The following GCSAML variants were observed in gnomAD, a reference collection of about 807,000 sequenced individuals.
GCSAML encodes germinal center-associated signaling and motility-like protein.
GCSAML carries 9 observed loss-of-function variants against 13.0 expected under a neutral mutation model. The observed-to-expected ratio is 0.69, with a 90% CI of 0.42 to 1.21. GCSAML has a LOEUF of 1.21. Among genes scored for constraint, GCSAML ranks in the 50% most tolerant of loss-of-function variants. The pLI, the probability that GCSAML is intolerant of heterozygous loss-of-function variation, is 0.00. For synonymous variants in GCSAML, 37 were observed against 52.9 expected (o/e 0.70, Z 1.31); for missense variants, 143 against 153.4 (o/e 0.93, Z 0.36).
At chr1:247,568,429 T>A (rs1230779493) in intron 4 of GCSAML, among the ~76,000 whole-genome samples, 4 of 151,326 alleles carry the variant, frequency 2.6e-5, no homozygotes, top group African/African-American at 9.8e-5. Flanking sequence ...TATTAAATAG[T>A]GAATCATTTC....
chr1:247,548,988 A>T, upstream of GCSAML: 1 of 1,414,024 alleles, frequency 7.1e-7, no homozygotes, highest in Non-Finnish European at 9.6e-7. The surrounding 1 kb of genome is among the most constrained non-coding windows in gnomAD (Gnocchi z 5.3). Context: ...ACGCACACTC[A>T]CATTTTCCTT....
At chr1:247,521,113 AT>A (rs68098651) in intron 1 of GCSAML, among the ~76,000 whole-genome samples, 6,078 of 136,792 alleles carry the variant, frequency 0.044, 306 homozygotes, top group African/African-American at 0.15. Context: ...ACATTCTTGC[AT>A]TTTTTTTTTT....
intron 1 of GCSAML, among the ~76,000 whole-genome samples, chr1:247,514,226 A>T (rs898636047): frequency 1.3e-5 from 2 of 151,942 alleles, no homozygotes; most frequent in African/African-American, 4.8e-5. Flanking sequence ...TGATCTGCCC[A>T]CCTTGGCCTC....
At chr1:247,566,135 G>A (rs1448760746) in intron 4 of GCSAML, among the ~76,000 whole-genome samples, 176 bp downstream of exon 4, 2 of 152,080 alleles carry the variant, frequency 1.3e-5, no homozygotes, top group East Asian at 3.8e-4. Context: ...TATGGCAATT[G>A]TAATGCAGAA....
intron 2 of GCSAML, among the ~76,000 whole-genome samples, chr1:247,543,948 C>A (rs1411334625): frequency 6.6e-6 from 1 of 152,068 alleles, no homozygotes; most frequent in Non-Finnish European, 1.5e-5. Context: ...TGTGCGTCAC[C>A]CTGGTTTAAC....
chr1:247,518,888 C>T (rs973517612), intron 1 of GCSAML, among the ~76,000 whole-genome samples: 14 of 152,070 alleles, frequency 9.2e-5, no homozygotes. Context: ...ACTTGGGAGG[C>T]TGAAGCGGGA....
intron 1 of GCSAML, among the ~76,000 whole-genome samples, chr1:247,554,320 A>T (rs1667885484): frequency 6.6e-6 from 1 of 152,016 alleles, no homozygotes; most frequent in Admixed American, 6.6e-5. Context: ...TTATGTCTGT[A>T]ATACTTATTT....
chr1:247,517,752 A>C (rs1325999568), intron 1 of GCSAML, among the ~76,000 whole-genome samples: 1 of 152,170 alleles, frequency 6.6e-6, no homozygotes, highest in African/African-American at 2.4e-5. Flanking sequence ...CTCGCTAAAA[A>C]CTGTGGGTGG....
rs527948050 is a variant in GCSAML at position 247,553,863 on chromosome 1, G to A, written c.30-2544G>A. On this transcript the variant is annotated intron_variant, in intron 1 of 4. Transcript: ENST00000366488. The stretch of plus-strand genomic sequence containing the variant: ...ATGATTCTTCTCTTAGGCTTCTAAA[G>A]TAGTTAATTATGTTAATAAATATTT... 1.7e-4 allele frequency among the ~76,000 whole-genome samples: 26 copies of A among 152,300 alleles called. No homozygotes were observed. The South Asian group carries it at 4.8e-3, about 28-fold the overall frequency.
upstream of GCSAML, among the ~76,000 whole-genome samples, chr1:247,548,278 CTGATATT>C (rs1211972694): frequency 1.3e-5 from 2 of 152,212 alleles, no homozygotes; most frequent in African/African-American, 4.8e-5. This position sits in a 1 kb window ranked among gnomAD's most constrained non-coding sequence, Gnocchi z 5.3. Flanking sequence ...TCTCCTGCCG[CTGATATT>C]GTGGCCTCGA....
chr1:247,569,479 A>G (rs1443955667), intron 4 of GCSAML, among the ~76,000 whole-genome samples: 5 of 152,060 alleles, frequency 3.3e-5, no homozygotes, highest in Admixed American at 6.6e-5. Flanking sequence ...GGTTTTTGTC[A>G]TTGGTTCTTT....
chr1:247,549,529 G>C (rs1667696367), intron 1 of GCSAML, among the ~76,000 whole-genome samples: 1 of 152,064 alleles, frequency 6.6e-6, no homozygotes, highest in Admixed American at 6.5e-5. Flanking sequence ...TATAACATGG[G>C]TTGTACTTTA....
At chr1:247,513,496 C>T (rs918492271) in intron 1 of GCSAML, among the ~76,000 whole-genome samples, 1 of 152,202 alleles carries the variant, frequency 6.6e-6, no homozygotes, top group Non-Finnish European at 1.5e-5. Context: ...TGGCTTCAGC[C>T]CCCTTTCCAG....
At chr1:247,513,661 G>C (rs190035729) in intron 1 of GCSAML, among the ~76,000 whole-genome samples, 17 of 152,332 alleles carry the variant, frequency 1.1e-4, no homozygotes, top group Admixed American at 1.1e-3. Context: ...GAATCTCCTG[G>C]TCTGCAGGTT....
In GCSAML at chr1:247,556,392, T is replaced by C. The variant is rs1667947735; in HGVS notation, c.30-15T>C. 1 of 1,593,792 alleles carries C rather than the reference T, an allele frequency of 6.3e-7. No individual in the cohort carries two copies. The highest frequency in any genetic ancestry group is 8.6e-7 in the Non-Finnish European group (1 of 1,163,914). ...CAGTAACAATCTCTCTTTTTTCTTA[T>C]GTGTTTCCATATAGTTGCCTGGGAG... On this transcript the variant is annotated splice_polypyrimidine_tract_variant and intron_variant, in intron 1 of 4. Coordinates refer to ENST00000366488, the MANE Select transcript of GCSAML (RefSeq NM_145278.5).
chr1:247,519,856 T>C lies in GCSAML; in HGVS notation c.-262-7084T>C, dbSNP rs559989384. ...ACATAGGGTCGTGTATGGGAAGATA[T>C]GGACTCAAAGAGTTTGTAGAGCAAG... On this transcript the variant is annotated intron_variant, in intron 1 of 5. Coordinates refer to the GCSAML transcript ENST00000366489. 8.3e-4 allele frequency among the ~76,000 whole-genome samples: 127 copies of C among 152,292 alleles called. 1 individual carries two copies. Among genetic ancestry groups the C allele is most frequent in the African/African-American group, 3.0e-3 (124 of 41,546 alleles).
chr1:247,533,555 G>T (rs12563814), intron 2 of GCSAML: 2 of 152,154 alleles, frequency 1.3e-5, no homozygotes, highest in Non-Finnish European at 2.9e-5. Flanking sequence ...AGGTCTTATT[G>T]CATACCAAGA....
intron 4 of GCSAML, among the ~76,000 whole-genome samples, chr1:247,570,730 G>A (rs1158758902): frequency 6.6e-6 from 1 of 152,122 alleles, no homozygotes; most frequent in Admixed American, 6.5e-5. Context: ...TGGTCCACTT[G>A]GTCCAGAGCT....
intron 2 of GCSAML, chr1:247,531,953 G>A (rs1175656309): frequency 1.2e-6 from 2 of 1,614,164 alleles, no homozygotes; most frequent in Non-Finnish European, 1.7e-6. Flanking sequence ...CAAGCCAGTT[G>A]CATAATGAGG....
Sources: allele counts gnomAD v4.1 joint callset (sites outside exome capture counted in the v4.1 genomes callset), GRCh38; gene constraint gnomAD v4.1.1; non-coding constraint Gnocchi (gnomAD v3.1); transcripts MANE v1.5; gene names NCBI Gene and HGNC (gene_info 2026-07-23, HGNC 2026-07-21).